ZC3H12B: variants seen among roughly 807,000 people sequenced by gnomAD.
The protein encoded by ZC3H12B is probable ribonuclease ZC3H12B.
A neutral mutation model predicts 43.9 loss-of-function variants in ZC3H12B; 7 were observed. The observed-to-expected ratio is 0.16, with a 90% CI of 0.09 to 0.30. The LOEUF (loss-of-function observed/expected upper bound fraction) is 0.30. ZC3H12B is among the 10% of genes least tolerant of loss of function. The probability of loss-of-function intolerance (pLI) is 1.00; values close to 1 mark genes in which losing one functional copy is unlikely to be tolerated. For missense variants in ZC3H12B, 475 were observed against 670.2 expected, an observed-to-expected ratio of 0.71 and a Z score of 3.22; for synonymous variants, 222 against 241.7, an observed-to-expected ratio of 0.92 and a Z score of 0.76.
the ZC3H12B span, among the ~76,000 whole-genome samples, chrX:65,334,106 G>C: frequency 8.9e-6 from 1 of 111,864 alleles, no homozygotes; most frequent in African/African-American, 3.2e-5. Context: ...AAACCTTATA[G>C]ACAAATGTAT....
chrX:65,413,201 T>G (rs1414570738), intron 3 of ZC3H12B, among the ~76,000 whole-genome samples: 1 of 112,199 alleles, frequency 8.9e-6, no homozygotes, highest in Non-Finnish European at 1.9e-5. Context: ...TGGATACTAG[T>G]CTCTTATCAG....
At chrX:65,057,581 G>A in the ZC3H12B span, among the ~76,000 whole-genome samples, 3 of 111,025 alleles carry the variant, frequency 2.7e-5, no homozygotes, top group Non-Finnish European at 5.7e-5. Context: ...TCTTCTCGAG[G>A]AGTATCTTCG....
At chrX:65,489,276 A>G in exon 1 of ZC3H12B, 1 of 1,211,887 alleles carries the variant, frequency 8.3e-7, no homozygotes, top group Non-Finnish European at 1.1e-6. Flanking sequence ...AGGGCAGATC[A>G]ACTTGAGTCT....
chrX:65,349,802 A>C, the ZC3H12B span, among the ~76,000 whole-genome samples: 1 of 111,958 alleles, frequency 8.9e-6, no homozygotes, highest in East Asian at 2.8e-4. Context: ...GTCTAAACCA[A>C]GAAGAAGTTG....
At chrX:65,190,478 G>A in the ZC3H12B span, among the ~76,000 whole-genome samples, 2 of 110,226 alleles carry the variant, frequency 1.8e-5, no homozygotes, top group South Asian at 3.9e-4. Context: ...TTTCCTTGAG[G>A]AGTGTTTTGT....
chrX:65,212,505 T>G, the ZC3H12B span, among the ~76,000 whole-genome samples: 1 of 69,837 alleles, frequency 1.4e-5, no homozygotes, highest in Non-Finnish European at 2.5e-5. Context: ...ATATACATAT[T>G]ATATACAATA....
intron 3 of ZC3H12B, among the ~76,000 whole-genome samples, chrX:65,466,051 A>C (rs753430075): frequency 2.3e-4 from 25 of 110,495 alleles, no homozygotes; most frequent in Non-Finnish European, 4.7e-4. Flanking sequence ...CAAGTATATG[A>C]TACAATATTG....
intron 2 of ZC3H12B, among the ~76,000 whole-genome samples, chrX:65,383,760 A>G (rs1378368971): frequency 8.9e-6 from 1 of 112,031 alleles, no homozygotes; most frequent in Non-Finnish European, 1.9e-5. Context: ...TTTACAAGAA[A>G]AAAAACAAAC....
At chrX:65,205,188 G>A in the ZC3H12B span, among the ~76,000 whole-genome samples, 1 of 110,559 alleles carries the variant, frequency 9.0e-6, no homozygotes, top group African/African-American at 3.3e-5. Flanking sequence ...ACTTTTTTTT[G>A]TTCAACCGGA....
At chrX:65,129,347 G>A in the ZC3H12B span, among the ~76,000 whole-genome samples, 2 of 109,054 alleles carry the variant, frequency 1.8e-5, no homozygotes, top group African/African-American at 3.3e-5. Flanking sequence ...CTTTGTGTGA[G>A]CAACAAGGCT....
the ZC3H12B span, among the ~76,000 whole-genome samples, chrX:65,240,913 T>C: frequency 8.1e-5 from 9 of 111,547 alleles, no homozygotes; most frequent in East Asian, 2.3e-3. Context: ...CAGTGAAGGG[T>C]GCTTCTTTCT....
At chrX:65,188,003 C>T in the ZC3H12B span, among the ~76,000 whole-genome samples, 1 of 111,137 alleles carries the variant, frequency 9.0e-6, no homozygotes, top group African/African-American at 3.3e-5. Flanking sequence ...TCTTGATCTA[C>T]ATGAGTTCAA....
At chrX:65,128,303 G>GTCAAGA in the ZC3H12B span, among the ~76,000 whole-genome samples, 25 of 112,031 alleles carry the variant, frequency 2.2e-4, no homozygotes, top group Non-Finnish European at 3.8e-4. Context: ...TATTTCTCCT[G>GTCAAGA]AGATTTTCTT....
intron 1 of ZC3H12B, among the ~76,000 whole-genome samples, chrX:65,491,537 T>C (rs1226906939): frequency 9.2e-6 from 1 of 109,169 alleles, no homozygotes; most frequent in Middle Eastern, 4.3e-3. Flanking sequence ...CAAAACCCTG[T>C]CTCTACTGCA....
At chrX:65,355,094 T>G in the ZC3H12B span, among the ~76,000 whole-genome samples, 5 of 111,496 alleles carry the variant, frequency 4.5e-5, no homozygotes, top group African/African-American at 6.5e-5. Flanking sequence ...AACATTCAAA[T>G]TCAGGAAATA....
the ZC3H12B span, among the ~76,000 whole-genome samples, chrX:65,258,839 A>C: frequency 1.9e-4 from 21 of 111,494 alleles, no homozygotes; most frequent in African/African-American, 5.9e-4. Flanking sequence ...AGAATAAAAT[A>C]CCTAGGAATA....
At chrX:65,137,882 G>A in the ZC3H12B span, among the ~76,000 whole-genome samples, 1 of 112,615 alleles carries the variant, frequency 8.9e-6, no homozygotes, top group African/African-American at 3.2e-5. Flanking sequence ...AGGCTGTAGG[G>A]CAGTGGCATG....
chrX:65,502,326 A>G (rs1345155547), exon 5 of ZC3H12B: 1 of 1,211,556 alleles, frequency 8.3e-7, no homozygotes, highest in Non-Finnish European at 1.1e-6. Context: ...ATGGGGGACC[A>G]TGGCTACTAT....
At chrX:65,127,310 G>A in the ZC3H12B span, among the ~76,000 whole-genome samples, 1 of 112,040 alleles carries the variant, frequency 8.9e-6, no homozygotes, top group African/African-American at 3.2e-5. Flanking sequence ...CAGACTCCAG[G>A]CTAGCACTGG....
Sources: gnomAD v4.1 joint callset for allele counts (sites outside exome capture counted in the v4.1 genomes callset) on GRCh38, gnomAD v4.1.1 for gene constraint, MANE v1.5 for transcripts, NCBI Gene and HGNC (gene_info 2026-07-23, HGNC 2026-07-21) for gene names.